Variants in MBTPS1 observed in about 807,000 individuals in gnomAD.
MBTPS1 encodes membrane bound transcription factor peptidase, site 1.
MBTPS1 carries 94 observed loss-of-function variants against 127.8 expected under a neutral mutation model. The observed-to-expected ratio is 0.74, with a 90% CI of 0.62 to 0.87. The LOEUF is 0.87. MBTPS1 is among the 40% of genes least tolerant of loss of function. The pLI is 0.00. For missense variants in MBTPS1, 1,636 were observed against 1,353.2 expected, an observed-to-expected ratio of 1.21 and a Z score of -3.28; for synonymous variants, 632 against 509.4, an observed-to-expected ratio of 1.24 and a Z score of -3.24.
intron 7 of MBTPS1, among the ~76,000 whole-genome samples, chr16:84,091,224 G>A (rs1020879888): frequency 2.6e-5 from 4 of 152,046 alleles, no homozygotes; most frequent in Non-Finnish European, 4.4e-5. Flanking sequence ...GGTGGCTCAC[G>A]CCTGTAATCC....
intron 13 of MBTPS1, 60 bp downstream of exon 13, chr16:84,070,528 C>T: frequency 6.4e-7 from 1 of 1,565,196 alleles, no homozygotes; most frequent in Admixed American, 1.8e-5. Flanking sequence ...TGGCCTGTCC[C>T]TCCCTGAAAG....
chr16:84,056,493 T>C (rs2085524289), intron 21 of MBTPS1: 1 of 189,302 alleles, frequency 5.3e-6, no homozygotes, highest in African/African-American at 2.3e-5. Context: ...GCCTGCTGAG[T>C]GGACCTGAGC....
In MBTPS1 at chr16:84,090,928, T is replaced by C; in HGVS notation, c.978A>G (p.Thr326=). 1 of 1,612,272 alleles carries C rather than the reference T, an allele frequency of 6.2e-7. No individual in the cohort carries two copies. Among genetic ancestry groups the C allele is most frequent in the Non-Finnish European group, 8.5e-7 (1 of 1,178,698 alleles). ...HPFVDKVWEL[T]ANNVIMVSAI... Reference sequence around the variant, plus strand: ...CAGAAACCATGATTACATTGTTAGCTGTTAATTCCCACACCTACAAAAGGA... The same window carrying C: ...CAGAAACCATGATTACATTGTTAGCCGTTAATTCCCACACCTACAAAAGGA... The change falls in exon 8 of 23, where the codon ACA becomes ACG. Residue 326 remains threonine (T), a synonymous_variant. Transcript: ENST00000343411.
intron 12 of MBTPS1, 138 bp downstream of exon 12, chr16:84,074,459 C>T (rs1423983315): frequency 2.0e-5 from 15 of 759,096 alleles, no homozygotes; most frequent in Non-Finnish European, 3.1e-5. Flanking sequence ...GTCTTAAAGT[C>T]CTGGGCTCAA....
chr16:84,111,196 A>G (rs951737695), intron 1 of MBTPS1, among the ~76,000 whole-genome samples: 1 of 142,992 alleles, frequency 7.0e-6, no homozygotes, highest in Non-Finnish European at 1.5e-5. Context: ...AAGGGTGTCT[A>G]TAAGAGAGAG....
chr16:84,070,053 A>C lies in MBTPS1; in HGVS notation c.1783-15T>G. The stretch of plus-strand genomic sequence containing the variant: ...CCATTTTTTGACTAAAAAAAAAGAA[A>C]AGAAACTTGAAACGCCCTCATTGTG... On this transcript the variant is annotated splice_polypyrimidine_tract_variant and intron_variant, in intron 13 of 22. Coordinates refer to ENST00000343411, the MANE Select transcript of MBTPS1 (RefSeq NM_003791.4). 1 of 1,555,544 alleles carries C rather than the reference A, an allele frequency of 6.4e-7. No individual in the cohort carries two copies.
At chr16:84,108,407 G>T (rs1047172141) in intron 1 of MBTPS1, among the ~76,000 whole-genome samples, 5 of 152,162 alleles carry the variant, frequency 3.3e-5, no homozygotes, top group Non-Finnish European at 7.3e-5. Flanking sequence ...GGAATTACAG[G>T]CACACGCCAC....
intron 3 of MBTPS1, among the ~76,000 whole-genome samples, chr16:84,097,267 T>C (rs1236630466): frequency 6.6e-6 from 1 of 152,218 alleles, no homozygotes; most frequent in African/African-American, 2.4e-5. Context: ...AGAGAAACTG[T>C]TAACATTTGG....
At chr16:84,105,057 G>A (rs1460219337) in intron 1 of MBTPS1, among the ~76,000 whole-genome samples, 2 of 151,838 alleles carry the variant, frequency 1.3e-5, no homozygotes, top group African/African-American at 2.4e-5. Context: ...AGCTGAGATT[G>A]GGACACTGCA....
chr16:84,093,370 A>G, intron 5 of MBTPS1, 73 bp from the exon 6 acceptor site: 2 of 1,018,784 alleles, frequency 2.0e-6, no homozygotes, highest in Non-Finnish European at 3.1e-6. Context: ...ATTCCAGGCC[A>G]TGAGTTCCAC....
intron 11 of MBTPS1, among the ~76,000 whole-genome samples, chr16:84,079,001 G>C (rs1408257480): frequency 6.6e-6 from 1 of 152,242 alleles, no homozygotes; most frequent in Non-Finnish European, 1.5e-5. Flanking sequence ...GGTGGGCCTA[G>C]TGGGAGGGAC....
At chr16:84,076,799 C>T (rs1302655025) in intron 11 of MBTPS1, among the ~76,000 whole-genome samples, 5 of 152,162 alleles carry the variant, frequency 3.3e-5, no homozygotes, top group Non-Finnish European at 7.4e-5. Flanking sequence ...GACAAAATAA[C>T]AGCATTATAA....
intron 6 of MBTPS1, among the ~76,000 whole-genome samples, chr16:84,092,094 C>T (rs1037537777): frequency 6.6e-6 from 1 of 152,134 alleles, no homozygotes; most frequent in Non-Finnish European, 1.5e-5. Flanking sequence ...GCCTATCTCT[C>T]TAGGTGAAAT....
rs1487236382 is a variant in MBTPS1, at chr16:84,056,120, A to T, written c.2847T>A (p.His949Gln). Residue 949 changes from histidine (H) to glutamine (Q), a missense_variant, in exon 22 of 23, where the codon CAT becomes CAA. Physicochemically the swap from His to Gln is conservative, Grantham distance 24. Coordinates refer to ENST00000343411, the MANE Select transcript of MBTPS1 (RefSeq NM_003791.4). ...NETAPSNLWKHQKLLSIDLDK... is the reference protein window; with the variant it reads ...NETAPSNLWKQQKLLSIDLDK... ...CCAGGTCAATGGAGAGTAGCTTCTG[A>T]TGTTTCCAAAGGTTACTTCAGGAAA... The T allele has an allele frequency of 6.2e-7, 1 of 1,614,064 alleles. No homozygotes were observed. Among genetic ancestry groups the T allele is most frequent in the South Asian group, 1.1e-5 (1 of 91,084 alleles).
At chr16:84,067,117 C>T (rs541341442) in intron 16 of MBTPS1, among the ~76,000 whole-genome samples, 1 of 151,806 alleles carries the variant, frequency 6.6e-6, no homozygotes, top group Non-Finnish European at 1.5e-5. Flanking sequence ...ATAATTTACT[C>T]GAAATATTCT....
At chr16:84,068,969 C>T (rs1238211591) in intron 14 of MBTPS1, among the ~76,000 whole-genome samples, 1 of 152,162 alleles carries the variant, frequency 6.6e-6, no homozygotes, top group East Asian at 1.9e-4. Context: ...CTAGGGGTCA[C>T]CTCATTCTCA....
intron 11 of MBTPS1, among the ~76,000 whole-genome samples, chr16:84,077,424 C>CT (rs1244549734): frequency 1.4e-4 from 22 of 152,042 alleles, no homozygotes; most frequent in African/African-American, 5.1e-4. Context: ...GAATGGAAAG[C>CT]TCAGGGATAG....
At chr16:84,085,580 C>CGA (rs2086009898) in intron 9 of MBTPS1, among the ~76,000 whole-genome samples, 1 of 104,692 alleles carries the variant, frequency 9.6e-6, no homozygotes, top group Admixed American at 9.9e-5. Flanking sequence ...CGCCCCCCCC[C>CGA]CAAAAAAAAA....
In MBTPS1 at chr16:84,081,919, A is replaced by T; in HGVS notation, c.1287-11T>A. 1 of 1,374,962 alleles carries T rather than the reference A, an allele frequency of 7.3e-7. No individual in the cohort carries two copies. Among genetic ancestry groups the T allele is most frequent in the Non-Finnish European group, 9.5e-7 (1 of 1,052,602 alleles). The allele number at this position is 1,374,962 out of a possible 1,614,324, so 85.2% of individuals were successfully genotyped here. A position where few individuals can be genotyped will look rare whatever the true frequency, so the allele number is the denominator to read the frequency against. On this transcript the variant is annotated splice_polypyrimidine_tract_variant and intron_variant, in intron 10 of 22. Transcript: ENST00000343411. ...CGCTTCTGGACTGTGCTGGAGGAAA[A>T]ATCAAGAATTGCCTATTTTCTCTCA...
Sources: allele counts gnomAD v4.1 joint callset (sites outside exome capture counted in the v4.1 genomes callset), GRCh38; gene constraint gnomAD v4.1.1; transcripts MANE v1.5; gene names NCBI Gene and HGNC (gene_info 2026-07-23, HGNC 2026-07-21).